Variants in FAM169A observed in about 807,000 individuals in gnomAD.
FAM169A encodes soluble lamin-associated protein of 75 kDa.
Under a neutral mutation model 75.7 loss-of-function variants are expected in FAM169A, and 24 were observed. The observed-to-expected ratio is 0.32, with a 90% confidence interval of 0.23 to 0.45. FAM169A has a LOEUF of 0.45. Among genes scored for constraint, FAM169A ranks in the 20% least tolerant of loss-of-function variants. The pLI is 1.00. For missense variants in FAM169A, 673 were observed against 784.0 expected (o/e 0.86, Z 1.69); for synonymous variants, 271 against 271.0 (o/e 1.00, Z 0.00).
At chr5:74,791,745 C>T (rs966356692) in intron 11 of FAM169A, among the ~76,000 whole-genome samples, 4 of 152,084 alleles carry the variant, frequency 2.6e-5, no homozygotes, top group African/African-American at 9.7e-5. Context: ...TGGCCCAGAC[C>T]CTTCAGGAAT....
upstream of FAM169A, chr5:74,866,731 C>G: frequency 1.0e-6 from 1 of 985,084 alleles, no homozygotes; most frequent in Non-Finnish European, 1.2e-6. Flanking sequence ...GCTGATTTTG[C>G]GTATTCCTTT....
chr5:74,792,493 T>C (rs944324087), intron 11 of FAM169A, among the ~76,000 whole-genome samples: 1 of 150,442 alleles, frequency 6.6e-6, no homozygotes, highest in Non-Finnish European at 1.5e-5. Flanking sequence ...CCAGGTTCTT[T>C]AGCTTTGGGA....
intron 1 of FAM169A, among the ~76,000 whole-genome samples, chr5:74,849,690 A>C (rs1178035090): frequency 6.6e-6 from 1 of 151,878 alleles, no homozygotes. Context: ...TCCTTCCCTA[A>C]TTAACCTGGG....
At chr5:74,842,420 CAAAAAAAAAAAAAAAAAAAA>C (rs56653446) in intron 1 of FAM169A, among the ~76,000 whole-genome samples, 10 of 22,460 alleles carry the variant, frequency 4.5e-4, no homozygotes, top group South Asian at 3.6e-3. Context: ...GACTCTATCA[CAAAAAAAAAAAAAAAAAAAA>C]AAAAAAAAAA....
At chr5:74,806,915 C>T (rs1022525003) in intron 6 of FAM169A, among the ~76,000 whole-genome samples, 4 of 152,000 alleles carry the variant, frequency 2.6e-5, no homozygotes, top group Non-Finnish European at 5.9e-5. Context: ...GATGATAAAC[C>T]TCACTAGCTG....
At chr5:74,833,360 G>C (rs888291815) in intron 5 of FAM169A, among the ~76,000 whole-genome samples, 5 of 152,042 alleles carry the variant, frequency 3.3e-5, no homozygotes, top group African/African-American at 1.2e-4. Flanking sequence ...TGTATAATCA[G>C]TATTTTTCTG....
Position 74,781,338 on chromosome 5 carries a change from A to T in FAM169A, c.*122T>A, listed in dbSNP as rs566478941. ...GGAAGCAAAAAACTGCATAGTAAGT[A>T]AGTTCAAATTGAAATTTTGGAAATT... On this transcript the variant is annotated 3_prime_UTR_variant, in exon 13 of 13. Transcript: ENST00000687041. 5.0e-5 allele frequency: 42 copies of T among 836,104 alleles called. No homozygotes were observed. The African/African-American group carries it at 5.7e-4, about 11-fold the overall frequency. The allele number at this position is 836,104 out of a possible 1,614,324, so 51.8% of individuals were successfully genotyped here.
chr5:74,815,465 G>A (rs1747423833), intron 5 of FAM169A, among the ~76,000 whole-genome samples: 1 of 152,088 alleles, frequency 6.6e-6, no homozygotes, highest in Non-Finnish European at 1.5e-5. Context: ...GTGCTAGCGT[G>A]AGCCACTGCA....
intron 1 of FAM169A, among the ~76,000 whole-genome samples, chr5:74,857,415 G>A (rs890053638): frequency 6.6e-6 from 1 of 151,374 alleles, no homozygotes; most frequent in African/African-American, 2.4e-5. Flanking sequence ...ACAGGCCATG[G>A]TGGTACGCAC....
intron 5 of FAM169A, among the ~76,000 whole-genome samples, chr5:74,825,195 A>T (rs1405790348): frequency 6.6e-6 from 1 of 152,172 alleles, no homozygotes; most frequent in East Asian, 1.9e-4. Context: ...AATAAATTCA[A>T]ATACATCAGG....
At chr5:74,816,666 T>C (rs1747487442) in intron 5 of FAM169A, among the ~76,000 whole-genome samples, 1 of 152,192 alleles carries the variant, frequency 6.6e-6, no homozygotes, top group Non-Finnish European at 1.5e-5. Flanking sequence ...CAGGGACTTT[T>C]AAGATTCACC....
At chr5:74,801,729 T>C (rs978674684) in intron 8 of FAM169A, 100 bp from the exon 9 acceptor site, 1 of 845,022 alleles carries the variant, frequency 1.2e-6, no homozygotes, top group Non-Finnish European at 1.9e-6. Context: ...TAAAATGTTT[T>C]CCAAATAGCA....
intron 1 of FAM169A, among the ~76,000 whole-genome samples, chr5:74,844,292 G>A (rs1749033143): frequency 1.3e-5 from 2 of 151,722 alleles, no homozygotes; most frequent in African/African-American, 4.8e-5. Context: ...GTGAGACCTT[G>A]GCTCTACAAA....
rs531639035 is a variant in FAM169A at position 74,809,116 on chromosome 5, A to G, written c.671-3832T>C. 2.0e-5 allele frequency among the ~76,000 whole-genome samples: 3 copies of G among 152,354 alleles called. No individual in the cohort carries two copies. The South Asian group carries it at 6.2e-4, about 32-fold the overall frequency. On this transcript the variant is annotated intron_variant, in intron 6 of 12. Transcript: ENST00000687041. ...TAGAACACTGATAAATACTTCCAAA[A>G]GGAAAGAAAAAAGGAGAAAGAACAA...
rs1241478849 is a variant in FAM169A, at chr5:74,778,390, T to C, written c.*3070A>G. 1 of 152,022 alleles carries C rather than the reference T, an allele frequency of 6.6e-6. No individual in the cohort carries two copies. Among genetic ancestry groups the C allele is most frequent in the Admixed American group, 6.5e-5 (1 of 15,268 alleles). 9.4% of individuals were successfully genotyped at this position (152,022 alleles called of 1,614,324 possible). A position where few individuals can be genotyped will look rare whatever the true frequency, so the allele number is the denominator to read the frequency against. ...GAACATAAGAGCAGATATTTAGATATTAGTACAGGCTCAATTTGATGCAAT... is the reference window on the plus strand; with the variant it reads ...GAACATAAGAGCAGATATTTAGATACTAGTACAGGCTCAATTTGATGCAAT... On this transcript the variant is annotated 3_prime_UTR_variant, in exon 13 of 13. Transcript: ENST00000687041.
chr5:74,823,092 G>C (rs987291454), intron 5 of FAM169A, among the ~76,000 whole-genome samples: 2 of 152,158 alleles, frequency 1.3e-5, no homozygotes, highest in Admixed American at 1.3e-4. Context: ...GCTCCAAACA[G>C]TATGTCCCTA....
intron 5 of FAM169A, among the ~76,000 whole-genome samples, chr5:74,830,080 T>G (rs889033719): frequency 7.2e-5 from 11 of 152,178 alleles, no homozygotes; most frequent in African/African-American, 2.2e-4. Context: ...TGTATCAACT[T>G]TGTTAATCTA....
At chr5:74,811,884 T>C (rs1258414767) in intron 6 of FAM169A, among the ~76,000 whole-genome samples, 1 of 152,218 alleles carries the variant, frequency 6.6e-6, no homozygotes, top group African/African-American at 2.4e-5. Flanking sequence ...TATGTATTTA[T>C]AGTTTTTAAA....
At chr5:74,798,625 A>C (rs1165285625) in intron 10 of FAM169A, among the ~76,000 whole-genome samples, 1 of 152,244 alleles carries the variant, frequency 6.6e-6, no homozygotes, top group Non-Finnish European at 1.5e-5. Flanking sequence ...AAAATGGCAA[A>C]GTTATGAATT....
Sources: gnomAD v4.1 joint callset for allele counts (sites outside exome capture counted in the v4.1 genomes callset) on GRCh38, gnomAD v4.1.1 for gene constraint, MANE v1.5 for transcripts, NCBI Gene and HGNC (gene_info 2026-07-23, HGNC 2026-07-21) for gene names.